CADPS2: variants seen among roughly 807,000 people sequenced by gnomAD.
CADPS2 encodes the protein calcium dependent secretion activator 2.
In CADPS2, 93 loss-of-function variants were observed where a neutral mutation model predicts 172.5. The observed-to-expected ratio is 0.54, with a 90% CI of 0.46 to 0.64. The LOEUF (loss-of-function observed/expected upper bound fraction) is 0.64. CADPS2 is among the 30% of genes least tolerant of loss of function. CADPS2 has a pLI of 0.00. For synonymous variants in CADPS2, 546 were observed against 555.2 expected, an observed-to-expected ratio of 0.98 and a Z score of 0.23; for missense variants, 1,420 against 1,565.9, an observed-to-expected ratio of 0.91 and a Z score of 1.57.
chr7:122,857,985 G>A (rs1815779453), intron 1 of CADPS2, among the ~76,000 whole-genome samples: 1 of 152,206 alleles, frequency 6.6e-6, no homozygotes, highest in East Asian at 1.9e-4. Flanking sequence ...CTGAGCAGTA[G>A]CAACATTTAT....
chr7:122,321,976 T>C (rs948363823), intron 29 of CADPS2, among the ~76,000 whole-genome samples: 3 of 152,258 alleles, frequency 2.0e-5, no homozygotes, highest in Non-Finnish European at 2.9e-5. Flanking sequence ...TAAGTTATTA[T>C]GACTAAGGTA....
chr7:122,423,861 G>C (rs1376300669), intron 17 of CADPS2, among the ~76,000 whole-genome samples: 3 of 152,098 alleles, frequency 2.0e-5, no homozygotes, highest in African/African-American at 7.2e-5. Context: ...GCTGGTGTAG[G>C]GAATGCACTT....
At chr7:122,513,364 T>G in intron 8 of CADPS2, 49 bp from the exon 9 acceptor site, 8 of 1,360,150 alleles carry the variant, frequency 5.9e-6, no homozygotes, top group Non-Finnish European at 8.2e-6. Flanking sequence ...AATAATGTTG[T>G]GCTTCCATGT....
chr7:122,457,838 T>C (rs2053973650), intron 14 of CADPS2, among the ~76,000 whole-genome samples: 1 of 152,200 alleles, frequency 6.6e-6, no homozygotes, highest in African/African-American at 2.4e-5. Flanking sequence ...ACTCTGCACA[T>C]TGCCTGGTTT....
At chr7:122,635,990 C>T (rs973477695) in intron 3 of CADPS2, among the ~76,000 whole-genome samples, 7 of 152,118 alleles carry the variant, frequency 4.6e-5, no homozygotes, top group African/African-American at 1.7e-4. Context: ...CCTGTGGTGT[C>T]ATTACACGTG....
rs1364001351 is a variant in CADPS2, at chr7:122,702,757, A to G, written c.453+34198T>C. 1.9e-6 allele frequency: 3 copies of G among 1,580,700 alleles called. No individual in the cohort carries two copies. The South Asian group carries it at 3.5e-5, about 18-fold the overall frequency. ...TAATTCTAAGGAAGCTCATGCCTCC[A>G]TTTGTCTATTAAGAGACAAACATGA... On this transcript the variant is annotated intron_variant, in intron 2 of 29. Transcript: ENST00000449022.
At chr7:122,608,157 A>G (rs1189338859) in intron 6 of CADPS2, among the ~76,000 whole-genome samples, 2 of 151,544 alleles carry the variant, frequency 1.3e-5, no homozygotes, top group Admixed American at 1.3e-4. Context: ...CGGAGATTGC[A>G]GTGAGCTGTG....
At chr7:122,723,920 T>C (rs972376216) in intron 2 of CADPS2, among the ~76,000 whole-genome samples, 8 of 150,880 alleles carry the variant, frequency 5.3e-5, no homozygotes, top group Admixed American at 4.7e-4. Context: ...CAGCAAACTG[T>C]CACAAGGACA....
At chr7:122,851,092 T>C (rs1287170652) in intron 1 of CADPS2, among the ~76,000 whole-genome samples, 1 of 152,232 alleles carries the variant, frequency 6.6e-6, no homozygotes, top group African/African-American at 2.4e-5. Context: ...TTCAATATCA[T>C]GTGCATTCAT....
chr7:122,502,841 G>A (rs2059316460), intron 9 of CADPS2, among the ~76,000 whole-genome samples: 1 of 151,928 alleles, frequency 6.6e-6, no homozygotes, highest in South Asian at 2.1e-4. Context: ...GTTCAGCAAT[G>A]TGAACTGTAT....
chr7:122,624,106 G>A (rs2075854806), intron 4 of CADPS2, among the ~76,000 whole-genome samples: 1 of 152,104 alleles, frequency 6.6e-6, no homozygotes, highest in African/African-American at 2.4e-5. Flanking sequence ...AAGCTTTGAG[G>A]TTTATTGATA....
intron 22 of CADPS2, among the ~76,000 whole-genome samples, chr7:122,392,627 A>G (rs1354398180): frequency 6.6e-6 from 1 of 152,198 alleles, no homozygotes; most frequent in Non-Finnish European, 1.5e-5. Context: ...GATGATATAA[A>G]GACTATTTAA....
intron 15 of CADPS2, among the ~76,000 whole-genome samples, chr7:122,444,534 T>C (rs756494488): frequency 6.6e-6 from 1 of 152,208 alleles, no homozygotes; most frequent in Non-Finnish European, 1.5e-5. Context: ...GGTATCTAAC[T>C]ATGGTTTCAA....
chr7:122,559,606 C>T (rs1042656661), intron 7 of CADPS2, among the ~76,000 whole-genome samples: 1 of 151,610 alleles, frequency 6.6e-6, no homozygotes, highest in Non-Finnish European at 1.5e-5. Flanking sequence ...CTCGTCTCTA[C>T]TAAAAATACA....
chr7:122,768,903 C>T (rs938969558), intron 1 of CADPS2, among the ~76,000 whole-genome samples: 2 of 151,022 alleles, frequency 1.3e-5, no homozygotes, highest in Non-Finnish European at 2.9e-5. Context: ...GAGCTTAAAA[C>T]GGAAAATGTA....
intron 9 of CADPS2, among the ~76,000 whole-genome samples, chr7:122,508,449 GTTTTTTTT>G (rs1205155217): frequency 1.5e-3 from 100 of 68,428 alleles, no homozygotes; most frequent in African/African-American, 4.6e-3. Context: ...ATTCATTTAA[GTTTTTTTT>G]TTTTTTTTTT....
chr7:122,633,393 C>T (rs1244767704), intron 3 of CADPS2, among the ~76,000 whole-genome samples: 1 of 151,856 alleles, frequency 6.6e-6, no homozygotes, highest in Non-Finnish European at 1.5e-5. Context: ...GTAGTTCTGC[C>T]TGTAGAGATC....
intron 2 of CADPS2, chr7:122,681,776 A>AAT (rs1352179125): frequency 1.6e-5 from 8 of 509,792 alleles, no homozygotes; most frequent in East Asian, 9.7e-5. Flanking sequence ...CATCTAAAAA[A>AAT]AAATAAATAA....
At chr7:122,733,088 G>A (rs1488652024) in intron 2 of CADPS2, among the ~76,000 whole-genome samples, 1 of 151,210 alleles carries the variant, frequency 6.6e-6, no homozygotes, top group Non-Finnish European at 1.5e-5. Context: ...AATGATGTAA[G>A]AAGCCACAAA....
Sources: allele counts gnomAD v4.1 joint callset (sites outside exome capture counted in the v4.1 genomes callset), GRCh38; gene constraint gnomAD v4.1.1; transcripts MANE v1.5; gene names NCBI Gene and HGNC (gene_info 2026-07-23, HGNC 2026-07-21).